Variants in IMMP2L observed in about 807,000 individuals in gnomAD.
IMMP2L encodes the protein inner mitochondrial membrane peptidase subunit 2.
Under a neutral mutation model 19.3 loss-of-function variants are expected in IMMP2L, and 18 were observed. That is an observed-to-expected ratio of 0.93 (90% CI 0.64 to 1.38). IMMP2L has a LOEUF of 1.38. IMMP2L is among the 40% of genes most tolerant of loss of function. The probability of loss-of-function intolerance (pLI) is 0.00; values close to 1 mark genes in which losing one functional copy is unlikely to be tolerated. For synonymous variants in IMMP2L, 76 were observed against 73.0 expected (o/e 1.04, Z -0.21); for missense variants, 233 against 218.2 (o/e 1.07, Z -0.43).
chr7:111,048,927 A>T (rs139595545), intron 3 of IMMP2L, among the ~76,000 whole-genome samples: 129 of 152,158 alleles, frequency 8.5e-4, no homozygotes, highest in African/African-American at 2.8e-3. Flanking sequence ...TACGTACATT[A>T]GTTTGAAATC....
chr7:111,208,388 A>T (rs1810951731), intron 3 of IMMP2L, among the ~76,000 whole-genome samples: 1 of 152,220 alleles, frequency 6.6e-6, no homozygotes, highest in South Asian at 2.1e-4. Flanking sequence ...TTCCAAAATC[A>T]AAGCAAGCCC....
intron 4 of IMMP2L, among the ~76,000 whole-genome samples, chr7:110,948,450 C>T (rs1477039032): frequency 6.6e-6 from 1 of 152,114 alleles, no homozygotes; most frequent in Non-Finnish European, 1.5e-5. Flanking sequence ...TTTGGTCCAG[C>T]ACAGTCAGAG....
chr7:111,140,627 AT>A (rs1258135344), intron 3 of IMMP2L, among the ~76,000 whole-genome samples: 1 of 152,204 alleles, frequency 6.6e-6, no homozygotes, highest in Non-Finnish European at 1.5e-5. Context: ...GGGCCAAGCC[AT>A]TTTGGCCAGA....
At position 111,383,200 on chromosome 7, in the gene IMMP2L, C is replaced by T. The variant is rs533780044; in HGVS notation, c.239+104038G>A. 2.0e-5 allele frequency among the ~76,000 whole-genome samples: 3 copies of T among 152,176 alleles called. No individual in the cohort carries two copies. The East Asian group carries it at 5.8e-4, about 29-fold the overall frequency. ...GAGGGTTTCTCTCCTGTCTATATAA[C>T]CCTAATTAGTTCCTTCCCAAGGCAA... On this transcript the variant is annotated intron_variant, in intron 3 of 5. Transcript: ENST00000405709.
chr7:111,307,804 T>C (rs1035454920), intron 3 of IMMP2L, among the ~76,000 whole-genome samples: 2 of 151,860 alleles, frequency 1.3e-5, no homozygotes, highest in Non-Finnish European at 2.9e-5. Context: ...ACAATTTTTA[T>C]TGATATACTA....
At chr7:111,386,272 C>A (rs1452402714) in intron 3 of IMMP2L, among the ~76,000 whole-genome samples, 1 of 152,088 alleles carries the variant, frequency 6.6e-6, no homozygotes, top group Non-Finnish European at 1.5e-5. Context: ...CCTTCCTATG[C>A]CCAGTTTTCC....
chr7:110,927,661 A>T (rs1366042015), intron 4 of IMMP2L, among the ~76,000 whole-genome samples: 2 of 151,978 alleles, frequency 1.3e-5, no homozygotes, highest in Non-Finnish European at 2.9e-5. Flanking sequence ...AAACGCAAGG[A>T]AACAGGTTCT....
chr7:111,032,054 T>C (rs1242812068), intron 3 of IMMP2L, among the ~76,000 whole-genome samples: 1 of 146,856 alleles, frequency 6.8e-6, no homozygotes, highest in Non-Finnish European at 1.5e-5. Context: ...TCATCCCACC[T>C]CAGCCACCCA....
At chr7:110,813,561 G>A (rs1413158804) in intron 5 of IMMP2L, among the ~76,000 whole-genome samples, 2 of 151,538 alleles carry the variant, frequency 1.3e-5, no homozygotes, top group South Asian at 2.1e-4. Context: ...CTGAGTAGCT[G>A]GGACTACAGA....
At chr7:110,744,241 C>A (rs1051712888) in intron 5 of IMMP2L, among the ~76,000 whole-genome samples, 1 of 152,222 alleles carries the variant, frequency 6.6e-6, no homozygotes, top group African/African-American at 2.4e-5. Flanking sequence ...AAGGCAGCAG[C>A]CCCAGTCAGG....
At chr7:110,805,978 T>A (rs1411981266) in intron 5 of IMMP2L, among the ~76,000 whole-genome samples, 1 of 151,962 alleles carries the variant, frequency 6.6e-6, no homozygotes, top group Non-Finnish European at 1.5e-5. Flanking sequence ...CTCCTCTAGT[T>A]AGACCAACCC....
At chr7:110,778,047 T>C (rs1799507738) in intron 5 of IMMP2L, among the ~76,000 whole-genome samples, 1 of 151,948 alleles carries the variant, frequency 6.6e-6, no homozygotes, top group Admixed American at 6.6e-5. Context: ...AAGATGAGAC[T>C]ATGTCAACTT....
At position 110,697,797 on chromosome 7, in the gene IMMP2L, G is replaced by GAAATAA. The variant is rs566914423; in HGVS notation, c.409-34082_409-34077dup. Among the ~76,000 whole-genome samples, 184 of 151,972 alleles carry GAAATAA rather than the reference G, an allele frequency of 1.2e-3. 1 individual carries two copies. Among genetic ancestry groups the GAAATAA allele is most frequent in the African/African-American group, 4.3e-3 (178 of 41,424 alleles). ...CAACAGAGTGAGACCCTATCTCTAA[G>GAAATAA]AAATAAAAATAAAAAAATAATTCTT... On this transcript the variant is annotated intron_variant, in intron 5 of 5. Transcript: ENST00000405709.
intron 5 of IMMP2L, among the ~76,000 whole-genome samples, chr7:110,687,709 C>A (rs747235478): frequency 6.6e-6 from 1 of 151,998 alleles, no homozygotes; most frequent in Non-Finnish European, 1.5e-5. Context: ...AGCATGTGTA[C>A]GTAAATAATT....
chr7:110,963,190 T>C, intron 4 of IMMP2L: 1 of 888,852 alleles, frequency 1.1e-6, no homozygotes, highest in Non-Finnish European at 1.6e-6. Flanking sequence ...ATAATCTTAA[T>C]CTTAAAATAG....
At chr7:111,149,818 A>C (rs1285311470) in intron 3 of IMMP2L, among the ~76,000 whole-genome samples, 1 of 152,102 alleles carries the variant, frequency 6.6e-6, no homozygotes, top group Non-Finnish European at 1.5e-5. Flanking sequence ...ATCTACAATG[A>C]TGTATATGAA....
At chr7:110,928,266 C>G (rs1227105520) in intron 4 of IMMP2L, among the ~76,000 whole-genome samples, 1 of 150,488 alleles carries the variant, frequency 6.6e-6, no homozygotes, top group Admixed American at 6.6e-5. Flanking sequence ...TTCTGTTTTT[C>G]AATTTAAGAA....
At chr7:111,149,704 C>G (rs1399578407) in intron 3 of IMMP2L, among the ~76,000 whole-genome samples, 1 of 152,086 alleles carries the variant, frequency 6.6e-6, no homozygotes, top group Non-Finnish European at 1.5e-5. Context: ...CAGTTCAAAT[C>G]CACACTGTTC....
chr7:111,137,401 CA>C (rs919982757), intron 3 of IMMP2L, among the ~76,000 whole-genome samples: 5 of 151,654 alleles, frequency 3.3e-5, no homozygotes, highest in South Asian at 2.1e-4. Context: ...CTAATCATGT[CA>C]AAAAAAATAC....
Sources: allele counts gnomAD v4.1 joint callset (sites outside exome capture counted in the v4.1 genomes callset), GRCh38; gene constraint gnomAD v4.1.1; transcripts MANE v1.5; gene names NCBI Gene and HGNC (gene_info 2026-07-23, HGNC 2026-07-21).